DBN1: variants seen among roughly 807,000 people sequenced by gnomAD.
DBN1 encodes the protein drebrin 1.
In DBN1, 21 loss-of-function variants were observed where a neutral mutation model predicts 83.5. The observed-to-expected ratio is 0.25, with a 90% CI of 0.18 to 0.36. The LOEUF is 0.36. Among genes scored for constraint, DBN1 ranks in the 10% least tolerant of loss-of-function variants. The pLI is 1.00. For missense variants in DBN1, 874 were observed against 935.7 expected, an observed-to-expected ratio of 0.93 and a Z score of 0.86; for synonymous variants, 381 against 384.9, an observed-to-expected ratio of 0.99 and a Z score of 0.12.
intron 8 of DBN1, among the ~76,000 whole-genome samples, chr5:177,461,661 G>A (rs1182719699): frequency 6.6e-6 from 1 of 152,136 alleles, no homozygotes; most frequent in Admixed American, 6.5e-5. Flanking sequence ...CTACCCTAGT[G>A]CCGGGGCCAC....
intron 1 of DBN1, among the ~76,000 whole-genome samples, chr5:177,471,053 G>A (rs1363036063): frequency 2.0e-5 from 3 of 152,082 alleles, no homozygotes; most frequent in Non-Finnish European, 2.9e-5. Context: ...GTGTGATATT[G>A]ACACCAACTC....
chr5:177,461,349 C>T (rs1215054430), intron 8 of DBN1, among the ~76,000 whole-genome samples: 4 of 151,738 alleles, frequency 2.6e-5, no homozygotes, highest in African/African-American at 9.7e-5. Context: ...CCGCCCGCCT[C>T]GGCCTCCCAA....
Position 177,457,186 on chromosome 5 carries a change from C to T in DBN1, c.*247G>A. 1 of 542,310 alleles carries T rather than the reference C, an allele frequency of 1.8e-6. No homozygotes were observed. Among genetic ancestry groups the T allele is most frequent in the Non-Finnish European group, 3.3e-6 (1 of 303,038 alleles). 33.6% of individuals were successfully genotyped at this position (542,310 alleles called of 1,614,324 possible). A position where few individuals can be genotyped will look rare whatever the true frequency, so the allele number is the denominator to read the frequency against. The stretch of plus-strand genomic sequence containing the variant: ...GAAGGAGGGGTGGAATTTGCAACAG[C>T]GTCTCAACTACCAACGAGAGGAAAG... On this transcript the variant is annotated 3_prime_UTR_variant, in exon 15 of 15. Coordinates refer to ENST00000393565, the MANE Select transcript of DBN1 (RefSeq NM_001363541.2).
chr5:177,458,451 G>A lies in DBN1; in HGVS notation c.1521C>T (p.Asp507=), dbSNP rs868474876. The A allele has an allele frequency of 1.2e-6, 2 of 1,614,216 alleles. No homozygotes were observed. Among genetic ancestry groups the A allele is most frequent in the African/African-American group, 1.3e-5 (1 of 75,046 alleles). The change falls in exon 13 of 15, where the codon GAC becomes GAT. Residue 507 remains aspartate (D), a synonymous_variant. Coordinates refer to ENST00000393565, the MANE Select transcript of DBN1 (RefSeq NM_001363541.2). ...GGGGTACGTTGTTGGCAACAGTGGTGTCAGCAGTGGCAGTGTCAGTTTCAA... is the reference window on the plus strand; with the variant it reads ...GGGGTACGTTGTTGGCAACAGTGGTATCAGCAGTGGCAGTGTCAGTTTCAA... The part of the protein sequence containing the change: ...DTIETDTATA[D]TTVANNVPPA...
chr5:177,467,647 G>A lies in DBN1; in HGVS notation c.331-20C>T. On this transcript the variant is annotated intron_variant, in intron 4 of 14. Transcript: ENST00000393565. This position sits in a 1 kb window ranked among gnomAD's most constrained non-coding sequence, Gnocchi z 9.1. ...GACACCCTTCCGCAAGAAGACGGCA[G>A]TGCTCAGGCGGCACCATCCTCCCGC... The A allele has an allele frequency of 1.9e-6, 3 of 1,567,018 alleles. No homozygotes were observed. In the South Asian group the frequency reaches 3.5e-5, roughly 18 times the overall value.
chr5:177,458,906 G>A (rs573813816), intron 12 of DBN1, among the ~76,000 whole-genome samples, 192 bp downstream of exon 12: 33 of 152,332 alleles, frequency 2.2e-4, no homozygotes, highest in African/African-American at 7.2e-4. Context: ...ACTTGAGAGG[G>A]CGGGTGCTAA....
intron 11 of DBN1, 135 bp downstream of exon 11, chr5:177,459,468 G>T: frequency 2.2e-6 from 3 of 1,338,332 alleles, no homozygotes; most frequent in Non-Finnish European, 3.0e-6. Flanking sequence ...AAGGCCAGGG[G>T]CAAGAGGCAG....
Position 177,460,687 on chromosome 5 carries a change from T to G in DBN1, c.788A>C (p.Glu263Ala), listed in dbSNP as rs1358448745. 1.9e-6 allele frequency: 3 copies of G among 1,614,066 alleles called. No individual in the cohort carries two copies. In the African/African-American group the frequency reaches 4.0e-5, roughly 22 times the overall value. ...CTTCTTCATGTGGGTCTCTTCCTCCTCATCCCGATGGTCACCCTAGAAACC... is the reference window on the plus strand; with the variant it reads ...CTTCTTCATGTGGGTCTCTTCCTCCGCATCCCGATGGTCACCCTAGAAACC... ...EQSIFGDHRD[E>A]EEETHMKKSE... is the part of the protein sequence containing the mutation. Residue 263 changes from glutamate (E) to alanine (A), a missense_variant, in exon 9 of 15, where the codon GAG becomes GCG. Physicochemically the swap from Glu to Ala is moderately radical, Grantham distance 107. Around this residue, in one of 4 missense-constraint regions of DBN1, gnomAD observed 725 missense variants for 719.7 expected, o/e 1.01. Coordinates refer to ENST00000393565, the MANE Select transcript of DBN1 (RefSeq NM_001363541.2).
Position 177,460,487 on chromosome 5 carries a change from G to A in DBN1, c.900C>T (p.Val300=), listed in dbSNP as rs528266629. 3.0e-5 allele frequency: 48 copies of A among 1,614,110 alleles called. No homozygotes were observed. Among genetic ancestry groups the A allele is most frequent in the South Asian group, 2.2e-4 (20 of 91,076 alleles). ...CACAGCTGCCCGCAGAGGCCGATGCGACTCTTTCCTGCTGCTTGAAGAACT... is the reference window on the plus strand; with the variant it reads ...CACAGCTGCCCGCAGAGGCCGATGCAACTCTTTCCTGCTGCTTGAAGAACT... The part of the protein sequence containing the change: ...PREFFKQQER[V]ASASAGSCDV... Residue 300 remains valine (V), a synonymous_variant, in exon 10 of 15, where the codon GTC becomes GTT. Coordinates refer to ENST00000393565, the MANE Select transcript of DBN1 (RefSeq NM_001363541.2).
intron 1 of DBN1, chr5:177,472,879 G>A: frequency 4.1e-6 from 4 of 984,888 alleles, no homozygotes; most frequent in Non-Finnish European, 4.8e-6. Flanking sequence ...TCGGGGGGAG[G>A]GCGGCCCACT....
chr5:177,459,709 C>A lies in DBN1; in HGVS notation c.987G>T (p.Ser329=). 6.3e-7 allele frequency: 1 copy of A among 1,578,792 alleles called. No individual in the cohort carries two copies. The highest frequency in any genetic ancestry group is 2.3e-5 in the East Asian group (1 of 43,598). ...GRPYCPFIKA[S]DSGPSSSSSS... ...AGGAGGAGGAGGAAGGCCCACTGTC[C>A]GATGCCTTTATGAAAGGGCAGTACG... Residue 329 remains serine (S), a synonymous_variant, in exon 11 of 15, where the codon TCG becomes TCT. Coordinates refer to ENST00000393565, the MANE Select transcript of DBN1 (RefSeq NM_001363541.2).
At chr5:177,473,139 G>A (rs943193996) in intron 1 of DBN1, 2 of 151,508 alleles carry the variant, frequency 1.3e-5, no homozygotes, top group African/African-American at 2.4e-5. Flanking sequence ...GCTCCCGCAG[G>A]GCCACGCGGC....
At chr5:177,470,506 T>C (rs1757765804) in intron 1 of DBN1, among the ~76,000 whole-genome samples, 1 of 151,996 alleles carries the variant, frequency 6.6e-6, no homozygotes, top group Non-Finnish European at 1.5e-5. Flanking sequence ...GCAGAAACCA[T>C]ACCCCAGTTC....
intron 10 of DBN1, 95 bp downstream of exon 10, chr5:177,460,337 G>A: frequency 1.9e-6 from 3 of 1,572,370 alleles, no homozygotes; most frequent in Non-Finnish European, 2.6e-6. Context: ...TCCAAGGGTT[G>A]CTTGGGCAAG....
At position 177,456,687 on chromosome 5, in the gene DBN1, A is replaced by AC. The variant is rs1561673374; in HGVS notation, c.*745_*746insG. ...TTTGTGCTTTCCAAAAAAAAAAAAAAAAAAAAAAAAAAAACAGTTACTAAA... is the reference window on the plus strand; with the variant it reads ...TTTGTGCTTTCCAAAAAAAAAAAAAACAAAAAAAAAAAAAACAGTTACTAAA... On this transcript the variant is annotated 3_prime_UTR_variant, in exon 15 of 15. Coordinates refer to ENST00000393565, the MANE Select transcript of DBN1 (RefSeq NM_001363541.2). The AC allele has an allele frequency of 6.6e-6, 1 of 151,148 alleles. No homozygotes were observed. The highest frequency in any genetic ancestry group is 2.4e-5 in the African/African-American group (1 of 41,000). The allele number at this position is 151,148 out of a possible 1,614,324, so 9.4% of individuals were successfully genotyped here.
chr5:177,459,015 G>C (rs1756793660), intron 12 of DBN1, 83 bp downstream of exon 12: 7 of 1,532,358 alleles, frequency 4.6e-6, no homozygotes, highest in Non-Finnish European at 6.1e-6. Context: ...CAGATCCCTG[G>C]AGAACGGTTA....
intron 8 of DBN1, among the ~76,000 whole-genome samples, chr5:177,464,609 A>ATAAC (rs1757285114): frequency 1.5e-5 from 2 of 129,174 alleles, no homozygotes; most frequent in African/African-American, 3.1e-5. Flanking sequence ...AAGACAATAA[A>ATAAC]TAAATAAATA....
In DBN1 at chr5:177,457,803, G is replaced by T. The variant is rs1289324159; in HGVS notation, c.1915-46C>A. 4 of 1,310,810 alleles carry T rather than the reference G, an allele frequency of 3.1e-6. No homozygotes were observed. The Admixed American group carries it at 5.3e-5, about 17-fold the overall frequency. The allele number at this position is 1,310,810 out of a possible 1,614,324, so 81.2% of individuals were successfully genotyped here. Reference sequence around the variant, plus strand: ...TCACTTGGCCCCACCCAGCAGGACTGGGGCTGACCTATCAGGCCTGAGCCC... The same window carrying T: ...TCACTTGGCCCCACCCAGCAGGACTTGGGCTGACCTATCAGGCCTGAGCCC... On this transcript the variant is annotated intron_variant, in intron 13 of 14. Transcript: ENST00000393565.
At chr5:177,468,952 C>T in intron 1 of DBN1, 53 bp from the exon 2 acceptor site, 2 of 1,203,106 alleles carry the variant, frequency 1.7e-6, no homozygotes, top group Non-Finnish European at 2.2e-6. Context: ...GCCGCCAATT[C>T]TGGGTGGGGA....
Sources: allele counts gnomAD v4.1 joint callset (sites outside exome capture counted in the v4.1 genomes callset), GRCh38; gene constraint gnomAD v4.1.1; regional missense constraint gnomAD v4.1.1; non-coding constraint Gnocchi (gnomAD v3.1); transcripts MANE v1.5; gene names NCBI Gene and HGNC (gene_info 2026-07-23, HGNC 2026-07-21).